The following SLC26A8 variants were observed in gnomAD, a reference collection of about 807,000 sequenced individuals.
SLC26A8 encodes testis anion transporter 1.
Under a neutral mutation model 105.0 loss-of-function variants are expected in SLC26A8, and 70 were observed. The observed-to-expected ratio is 0.67, with a 90% CI of 0.55 to 0.81. The LOEUF (loss-of-function observed/expected upper bound fraction) is 0.81. SLC26A8 is among the 40% of genes least tolerant of loss of function. The probability of loss-of-function intolerance (pLI) is 0.00; values close to 1 mark genes in which losing one functional copy is unlikely to be tolerated. For synonymous variants in SLC26A8, 415 were observed against 438.3 expected, an observed-to-expected ratio of 0.95 and a Z score of 0.66; for missense variants, 998 against 1,181.8, an observed-to-expected ratio of 0.84 and a Z score of 2.28.
At chr6:35,971,112 G>A (rs185603396) in intron 10 of SLC26A8, among the ~76,000 whole-genome samples, 74 of 152,262 alleles carry the variant, frequency 4.9e-4, no homozygotes, top group Non-Finnish European at 6.9e-4. Flanking sequence ...AAAATTAGCT[G>A]CTCAGAGAGG....
At position 35,943,624 on chromosome 6, in the gene SLC26A8, T is replaced by G. The variant is rs1771561022; in HGVS notation, c.*276A>C. On this transcript the variant is annotated 3_prime_UTR_variant, in exon 20 of 20. Coordinates refer to ENST00000490799, the MANE Select transcript of SLC26A8 (RefSeq NM_052961.4). ...TGGCACAAAGCCCAGAGATGTGGGGTGTGTGAAGAAGGAAATTCATGACTA... is the reference window on the plus strand; with the variant it reads ...TGGCACAAAGCCCAGAGATGTGGGGGGTGTGAAGAAGGAAATTCATGACTA... 2 of 398,190 alleles carry G rather than the reference T, an allele frequency of 5.0e-6. No homozygotes were observed. The highest frequency in any genetic ancestry group is 9.2e-6 in the Non-Finnish European group (2 of 216,742). 24.7% of individuals were successfully genotyped at this position (398,190 alleles called of 1,614,324 possible).
chr6:35,993,925 C>T (rs1761265991), intron 5 of SLC26A8, among the ~76,000 whole-genome samples: 1 of 152,010 alleles, frequency 6.6e-6, no homozygotes, highest in Non-Finnish European at 1.5e-5. Flanking sequence ...CCAATGAAGA[C>T]TTTTCAGTAA....
chr6:35,944,195 C>T lies in SLC26A8; in HGVS notation c.2618G>A (p.Gly873Asp). Residue 873 changes from glycine to aspartate, a missense_variant, in exon 20 of 20, where the codon GGT becomes GAT. By Grantham distance (94) the Gly-to-Asp change is moderately conservative. Transcript: ENST00000490799. ...ELESEQEAGL[G>D]LDLDLDRELE... is the part of the protein sequence containing the mutation. ...CTCCCGATCCAGGTCTAGGTCCAGA[C>T]CCAGCCCAGCCTCTTGTTCTGATTC... The T allele has an allele frequency of 2.5e-6, 4 of 1,614,018 alleles. No individual in the cohort carries two copies. Among genetic ancestry groups the T allele is most frequent in the Non-Finnish European group, 3.4e-6 (4 of 1,179,940 alleles).
At chr6:35,968,589 ATGTG>A (rs1281355415) in intron 11 of SLC26A8, among the ~76,000 whole-genome samples, 3,787 of 61,108 alleles carry the variant, frequency 0.062, 284 homozygotes, top group South Asian at 0.1. Flanking sequence ...ATATGTGTGT[ATGTG>A]TGTGTGTGTG....
At chr6:35,978,129 CAT>C (rs1773112835) in intron 8 of SLC26A8, among the ~76,000 whole-genome samples, 1 of 125,072 alleles carries the variant, frequency 8.0e-6, no homozygotes, top group Non-Finnish European at 1.7e-5. Context: ...CAAAACCAGA[CAT>C]AGACAGCACA....
chr6:35,993,185 T>TG (rs1761230933), intron 5 of SLC26A8, among the ~76,000 whole-genome samples: 3 of 45,718 alleles, frequency 6.6e-5, no homozygotes, highest in Admixed American at 2.8e-4. Context: ...TTGATAGAGA[T>TG]TGGAGGGGGG....
chr6:35,991,696 T>C lies in SLC26A8; in HGVS notation c.905A>G (p.Asn302Ser), dbSNP rs373168711. The C allele has an allele frequency of 1.8e-5, 29 of 1,604,212 alleles. No homozygotes were observed. The highest frequency in any genetic ancestry group is 2.3e-5 in the Non-Finnish European group (27 of 1,176,842). ...RINKCIRISF[N>S]QYPIEFPMEL... ...CATGGGAAACTCAATGGGATACTGATTGAAAGAAATTCTGATACATTTGTT... is the reference window on the plus strand; with the variant it reads ...CATGGGAAACTCAATGGGATACTGACTGAAAGAAATTCTGATACATTTGTT... Residue 302 changes from asparagine (N) to serine (S), a missense_variant, in exon 7 of 20, where the codon AAT (asparagine) becomes AGT (serine). Physicochemically the swap from Asn to Ser is conservative, Grantham distance 46. Transcript: ENST00000490799.
At chr6:35,947,228 G>T (rs1404745900) in intron 19 of SLC26A8, among the ~76,000 whole-genome samples, 1 of 150,932 alleles carries the variant, frequency 6.6e-6, no homozygotes, top group Non-Finnish European at 1.5e-5. Context: ...ACAGGGTTTT[G>T]TCATGTTGGC....
Position 35,951,365 on chromosome 6 carries a change from A to T in SLC26A8, c.2288-18T>A, listed in dbSNP as rs1466108307. On this transcript the variant is annotated intron_variant, in intron 18 of 19. Transcript: ENST00000490799. ...TATGGAAGCTAAAAACCAAACCCAG[A>T]ACACACACAATGTCAGATACTTGGG... is the stretch of plus-strand genomic sequence containing the variant. 3 of 1,614,062 alleles carry T rather than the reference A, an allele frequency of 1.9e-6. No homozygotes were observed. Among genetic ancestry groups the T allele is most frequent in the East Asian group, 4.5e-5 (2 of 44,864 alleles).
intron 11 of SLC26A8, among the ~76,000 whole-genome samples, chr6:35,968,179 C>G (rs1772594110): frequency 6.6e-6 from 1 of 151,628 alleles, no homozygotes; most frequent in Admixed American, 6.6e-5. Flanking sequence ...GAGTCTCACT[C>G]TGTAACCCAG....
At chr6:35,994,394 G>A (rs977956531) in intron 5 of SLC26A8, among the ~76,000 whole-genome samples, 8 of 151,998 alleles carry the variant, frequency 5.3e-5, no homozygotes, top group Non-Finnish European at 1.2e-4. Flanking sequence ...GATTACAGGC[G>A]TGAGCCACTG....
intron 1 of SLC26A8, chr6:36,024,256 G>C: frequency 6.2e-6 from 2 of 323,748 alleles, no homozygotes; most frequent in South Asian, 4.3e-5. Context: ...TTGAAAGGAT[G>C]CAGCTTGCAA....
At chr6:35,982,492 T>C (rs1773315268) in intron 7 of SLC26A8, among the ~76,000 whole-genome samples, 1 of 152,212 alleles carries the variant, frequency 6.6e-6, no homozygotes, top group Admixed American at 6.6e-5. Context: ...CCCCATCATC[T>C]TCATTTATTT....
intron 19 of SLC26A8, 30 bp downstream of exon 19, chr6:35,951,133 C>T (rs1416646090): frequency 6.2e-7 from 1 of 1,607,104 alleles, no homozygotes; most frequent in Non-Finnish European, 8.5e-7. Flanking sequence ...ATCCCTTCCC[C>T]CAACCTCATG....
At chr6:35,951,896 C>G (rs1011827794) in intron 17 of SLC26A8, among the ~76,000 whole-genome samples, 1 of 152,074 alleles carries the variant, frequency 6.6e-6, no homozygotes, top group Non-Finnish European at 1.5e-5. Context: ...GTTTTAAAAC[C>G]CCTTTGGCCC....
intron 8 of SLC26A8, among the ~76,000 whole-genome samples, chr6:35,979,522 T>C (rs1406364844): frequency 6.6e-6 from 1 of 152,146 alleles, no homozygotes; most frequent in Non-Finnish European, 1.5e-5. Flanking sequence ...CCTTTGCGTT[T>C]TCCAGGTAAT....
chr6:35,983,494 C>T (rs1773361242), intron 7 of SLC26A8, among the ~76,000 whole-genome samples: 1 of 151,900 alleles, frequency 6.6e-6, no homozygotes, highest in Non-Finnish European at 1.5e-5. Flanking sequence ...GTATAGTCTA[C>T]CTGGATCTCA....
chr6:35,958,187 T>A (rs1185866740), intron 16 of SLC26A8, among the ~76,000 whole-genome samples: 2 of 152,218 alleles, frequency 1.3e-5, no homozygotes, highest in Non-Finnish European at 2.9e-5. Context: ...CAATCTCCCC[T>A]TACTTGATGT....
intron 2 of SLC26A8, 119 bp downstream of exon 2, chr6:36,019,401 A>T (rs1562078241): frequency 9.0e-7 from 1 of 1,112,094 alleles, no homozygotes; most frequent in Non-Finnish European, 1.2e-6. Flanking sequence ...ATTGCACAAT[A>T]AACTGCATGA....
Sources: allele counts gnomAD v4.1 joint callset (sites outside exome capture counted in the v4.1 genomes callset), GRCh38; gene constraint gnomAD v4.1.1; transcripts MANE v1.5; gene names NCBI Gene and HGNC (gene_info 2026-07-23, HGNC 2026-07-21).